Variants in GNA13 observed in about 807,000 individuals in gnomAD.
GNA13 encodes the protein G protein subunit alpha 13.
Under a neutral mutation model 33.5 loss-of-function variants are expected in GNA13, and 4 were observed. The ratio of observed to expected loss-of-function variants is 0.12; its 90% CI spans 0.06 to 0.27. The LOEUF (loss-of-function observed/expected upper bound fraction) is 0.27, where lower values mean the gene tolerates loss of function less well. GNA13 is among the 10% of genes least tolerant of loss of function. The pLI is 1.00. For missense variants in GNA13, 319 were observed against 487.2 expected (o/e 0.65, Z 3.25); for synonymous variants, 176 against 183.8 (o/e 0.96, Z 0.34).
intron 2 of GNA13, among the ~76,000 whole-genome samples, chr17:65,032,106 C>T (rs1045240051): frequency 2.0e-5 from 3 of 151,950 alleles, no homozygotes; most frequent in African/African-American, 7.2e-5. Context: ...TATTCAGAAG[C>T]CATTCCATCT....
At position 65,033,562 on chromosome 17, in the gene GNA13, T is replaced by A. The variant is rs574772960; in HGVS notation, c.511-15259A>T. ...AGTACCACCAGTCATGCCTTTCTGT[T>A]TAGTTCAGGAGGAGTAAAATGTTCA... On this transcript the variant is annotated intron_variant, in intron 2 of 3. Transcript: ENST00000439174. Among the ~76,000 whole-genome samples the A allele has an allele frequency of 3.9e-5, 6 of 152,160 alleles. No individual in the cohort carries two copies. In the South Asian group the frequency reaches 8.3e-4, roughly 21 times the overall value.
chr17:65,029,283 G>A (rs1906915360), intron 2 of GNA13, among the ~76,000 whole-genome samples: 2 of 152,142 alleles, frequency 1.3e-5, no homozygotes. Flanking sequence ...ATCTCCCCAT[G>A]CTTCTGGAAA....
At chr17:65,041,744 T>C (rs1907462367) in intron 2 of GNA13, among the ~76,000 whole-genome samples, 1 of 152,148 alleles carries the variant, frequency 6.6e-6, no homozygotes, top group East Asian at 1.9e-4. Flanking sequence ...GTGAGCACTC[T>C]GCACCTGAGC....
Position 65,014,123 on chromosome 17 carries a change from C to T in GNA13, c.*134G>A. The T allele has an allele frequency of 1.6e-6, 1 of 626,326 alleles. No homozygotes were observed. Among genetic ancestry groups the T allele is most frequent in the Non-Finnish European group, 2.8e-6 (1 of 359,940 alleles). The allele number at this position is 626,326 out of a possible 1,614,324, so 38.8% of individuals were successfully genotyped here. A position where few individuals can be genotyped will look rare whatever the true frequency, so the allele number is the denominator to read the frequency against. On this transcript the variant is annotated 3_prime_UTR_variant, in exon 4 of 4. Transcript: ENST00000439174. This position sits in a 1 kb window ranked among gnomAD's most constrained non-coding sequence, Gnocchi z 5.3. The stretch of plus-strand genomic sequence containing the variant: ...CAAACCAAAGGCCGCAGAAAAAGTA[C>T]TAAGATTTTCAAGAAGTTAAACGTA...
chr17:65,023,825 A>G (rs1397411917), intron 2 of GNA13, among the ~76,000 whole-genome samples: 2 of 152,240 alleles, frequency 1.3e-5, no homozygotes, highest in Non-Finnish European at 2.9e-5. Flanking sequence ...CCATTTAACT[A>G]CGCAAATGAA....
At chr17:65,033,282 C>A (rs966929856) in intron 2 of GNA13, among the ~76,000 whole-genome samples, 2 of 150,818 alleles carry the variant, frequency 1.3e-5, no homozygotes, top group African/African-American at 4.9e-5. Flanking sequence ...CCCAGGAGTT[C>A]GAGACCAGCC....
chr17:65,046,171 C>CAT (rs1311169476), intron 2 of GNA13, among the ~76,000 whole-genome samples: 1 of 152,022 alleles, frequency 6.6e-6, no homozygotes, highest in Non-Finnish European at 1.5e-5. Context: ...ACTATATGAT[C>CAT]ATGAATGTGA....
chr17:65,034,392 T>C (rs1907168858), intron 2 of GNA13, among the ~76,000 whole-genome samples: 1 of 151,616 alleles, frequency 6.6e-6, no homozygotes, highest in Admixed American at 6.6e-5. Context: ...TTTTTTTTTT[T>C]GAGATGAAGT....
chr17:65,030,067 G>A (rs1203771644), intron 2 of GNA13, among the ~76,000 whole-genome samples: 1 of 152,138 alleles, frequency 6.6e-6, no homozygotes, highest in Non-Finnish European at 1.5e-5. Flanking sequence ...AAGACAAAAT[G>A]GGAAGCTCCT....
intron 2 of GNA13, among the ~76,000 whole-genome samples, chr17:65,044,034 G>C (rs1907562906): frequency 6.6e-6 from 1 of 152,178 alleles, no homozygotes; most frequent in African/African-American, 2.4e-5. Flanking sequence ...AGGTGGGAAG[G>C]TTGCTTGAGC....
intron 2 of GNA13, among the ~76,000 whole-genome samples, chr17:65,035,954 C>T (rs1907232418): frequency 6.6e-6 from 1 of 152,198 alleles, no homozygotes; most frequent in African/African-American, 2.4e-5. Context: ...TCCTCGTGAA[C>T]GCACTCCAGG....
Position 65,049,611 on chromosome 17 carries a change from A to G in GNA13, c.510+3891T>C, listed in dbSNP as rs78683750. Among the ~76,000 whole-genome samples the G allele has an allele frequency of 9.0e-3, 1,377 of 152,264 alleles. 25 individuals carry two copies. Among genetic ancestry groups the G allele is most frequent in the African/African-American group, 0.031 (1,292 of 41,536 alleles). ...CAGGAGTAAGCATGCTAGGGAAAGC[A>G]AAGGACACGGAGATCTCCATTCTAG... On this transcript the variant is annotated intron_variant, in intron 2 of 3. Coordinates refer to ENST00000439174, the MANE Select transcript of GNA13 (RefSeq NM_006572.6).
intron 2 of GNA13, among the ~76,000 whole-genome samples, chr17:65,049,181 C>A (rs1346669562): frequency 2.6e-5 from 4 of 152,190 alleles, no homozygotes; most frequent in African/African-American, 7.2e-5. Context: ...ATGATCTCCA[C>A]TCACTGCAAC....
chr17:65,035,781 ATT>A (rs367585696), intron 2 of GNA13, among the ~76,000 whole-genome samples: 8 of 146,768 alleles, frequency 5.5e-5, no homozygotes, highest in South Asian at 4.3e-4. Flanking sequence ...TTCGTTGTTA[ATT>A]TTTTTTTTTT....
chr17:65,019,089 C>T (rs182022657), intron 2 of GNA13, among the ~76,000 whole-genome samples: 1 of 152,258 alleles, frequency 6.6e-6, no homozygotes, highest in South Asian at 2.1e-4. Context: ...CCTGAAGCTA[C>T]TTCCAAGTGT....
At chr17:65,026,040 A>G (rs575546193) in intron 2 of GNA13, among the ~76,000 whole-genome samples, 1 of 152,146 alleles carries the variant, frequency 6.6e-6, no homozygotes, top group Non-Finnish European at 1.5e-5. Flanking sequence ...ATTATAAGTA[A>G]TGTATAAGGT....
intron 2 of GNA13, among the ~76,000 whole-genome samples, chr17:65,029,571 C>T (rs552752619): frequency 6.6e-6 from 1 of 152,242 alleles, no homozygotes; most frequent in East Asian, 1.9e-4. Context: ...TCCACTGCAA[C>T]TTCCCAACTC....
intron 2 of GNA13, among the ~76,000 whole-genome samples, chr17:65,047,661 CTT>C (rs34243706): frequency 2.0e-5 from 3 of 147,292 alleles, no homozygotes; most frequent in African/African-American, 2.5e-5. Flanking sequence ...GACTCTGATT[CTT>C]TTTTTTTTTT....
At chr17:65,050,570 A>AT (rs910565890) in intron 2 of GNA13, among the ~76,000 whole-genome samples, 5 of 151,780 alleles carry the variant, frequency 3.3e-5, no homozygotes, top group Non-Finnish European at 5.9e-5. Context: ...CTCTACAAAA[A>AT]TTTTTTTTTA....
Sources: allele counts gnomAD v4.1 joint callset (sites outside exome capture counted in the v4.1 genomes callset), GRCh38; gene constraint gnomAD v4.1.1; non-coding constraint Gnocchi (gnomAD v3.1); transcripts MANE v1.5; gene names NCBI Gene and HGNC (gene_info 2026-07-23, HGNC 2026-07-21).